The following FHIT variants were observed in gnomAD, a reference collection of about 807,000 sequenced individuals.
FHIT encodes the protein bis(5'-adenosyl)-triphosphatase.
A neutral mutation model predicts 17.9 loss-of-function variants in FHIT; 19 were observed. The ratio of observed to expected loss-of-function variants is 1.06; its 90% CI spans 0.74 to 1.56. The LOEUF is 1.56. Ranked by LOEUF, FHIT falls within the 40% of genes most tolerant of loss-of-function variation. FHIT has a pLI of 0.00. For missense variants in FHIT, 248 were observed against 189.2 expected (o/e 1.31, Z -1.82); for synonymous variants, 81 against 69.7 (o/e 1.16, Z -0.81).
At chr3:59,770,636 A>G (rs1450737054) in intron 8 of FHIT, among the ~76,000 whole-genome samples, 1 of 152,162 alleles carries the variant, frequency 6.6e-6, no homozygotes, top group African/African-American at 2.4e-5. Flanking sequence ...CAGAACTGTA[A>G]AACGACAAAT....
intron 5 of FHIT, among the ~76,000 whole-genome samples, chr3:60,027,418 G>A (rs1700797080): frequency 6.6e-6 from 1 of 152,014 alleles, no homozygotes; most frequent in South Asian, 2.1e-4. Context: ...ACAACCAACA[G>A]TCTTCTGTCA....
intron 5 of FHIT, among the ~76,000 whole-genome samples, chr3:60,023,688 G>T (rs1700633605): frequency 6.6e-6 from 1 of 152,166 alleles, no homozygotes; most frequent in South Asian, 2.1e-4. Context: ...GGAGATTAAA[G>T]GTAGGGGTGG....
intron 8 of FHIT, among the ~76,000 whole-genome samples, chr3:59,828,871 G>GTGTA (rs1701068565): frequency 1.3e-5 from 2 of 151,636 alleles, no homozygotes; most frequent in Non-Finnish European, 1.5e-5. Flanking sequence ...GTGTGTGTGT[G>GTGTA]TGTATCCTAC....
intron 5 of FHIT, among the ~76,000 whole-genome samples, chr3:60,040,708 A>G (rs1701403745): frequency 6.6e-6 from 1 of 152,180 alleles, no homozygotes; most frequent in African/African-American, 2.4e-5. Flanking sequence ...GCGAACACAA[A>G]GAAAAGTTGG....
intron 5 of FHIT, among the ~76,000 whole-genome samples, chr3:60,319,454 A>G (rs576800038): frequency 6.6e-6 from 1 of 152,188 alleles, no homozygotes. Context: ...TTAAGGGAAA[A>G]AAAAAAAACA....
At chr3:59,769,590 A>T (rs1701973572) in intron 8 of FHIT, among the ~76,000 whole-genome samples, 1 of 152,248 alleles carries the variant, frequency 6.6e-6, no homozygotes, top group Admixed American at 6.5e-5. Context: ...CTGCCAGGCC[A>T]GATTTTCTGA....
intron 3 of FHIT, among the ~76,000 whole-genome samples, chr3:60,993,312 G>C (rs989410273): frequency 5.9e-5 from 9 of 152,206 alleles, no homozygotes; most frequent in African/African-American, 2.2e-4. Flanking sequence ...ACAGTTACTA[G>C]CGCATCGAAC....
intron 3 of FHIT, among the ~76,000 whole-genome samples, chr3:60,926,006 C>G (rs557513416): frequency 1.3e-5 from 2 of 152,312 alleles, no homozygotes; most frequent in African/African-American, 4.8e-5. Flanking sequence ...GAAAAGCTAA[C>G]TACCCTAAAT....
intron 5 of FHIT, among the ~76,000 whole-genome samples, chr3:60,335,246 T>C (rs1272993404): frequency 1.3e-5 from 2 of 152,158 alleles, no homozygotes; most frequent in Admixed American, 6.5e-5. Flanking sequence ...AAACTTAAAA[T>C]TTAAAATATC....
chr3:60,363,352 G>A (rs779085983), intron 5 of FHIT, among the ~76,000 whole-genome samples: 6 of 152,064 alleles, frequency 3.9e-5, no homozygotes, highest in Non-Finnish European at 5.9e-5. Context: ...TAGCAACACG[G>A]AAAACTGCTT....
At chr3:61,148,120 T>C (rs1039178084) in intron 2 of FHIT, among the ~76,000 whole-genome samples, 23 of 151,770 alleles carry the variant, frequency 1.5e-4, no homozygotes, top group African/African-American at 5.6e-4. Context: ...AGACTATCGA[T>C]GATTTATTTT....
chr3:60,016,891 TACTC>T (rs1700364659), intron 5 of FHIT, among the ~76,000 whole-genome samples: 1 of 152,218 alleles, frequency 6.6e-6, no homozygotes, highest in South Asian at 2.1e-4. Context: ...TACTCTTACT[TACTC>T]AATCTTTCCA....
intron 5 of FHIT, among the ~76,000 whole-genome samples, chr3:60,274,857 A>G (rs1034311543): frequency 2.3e-4 from 35 of 152,182 alleles, no homozygotes; most frequent in African/African-American, 8.0e-4. Context: ...TCATGTCAGC[A>G]AATTTAGCAT....
intron 4 of FHIT, among the ~76,000 whole-genome samples, chr3:60,800,255 A>G (rs1553731852): frequency 6.6e-6 from 1 of 152,212 alleles, no homozygotes; most frequent in Non-Finnish European, 1.5e-5. Context: ...TTCAGCCCCA[A>G]ATAATAGGTC....
chr3:60,332,784 G>A (rs911129217), intron 5 of FHIT, among the ~76,000 whole-genome samples: 6 of 152,028 alleles, frequency 3.9e-5, no homozygotes, highest in African/African-American at 1.4e-4. Context: ...TCACAACCAA[G>A]AATTTGTTCT....
chr3:59,888,350 G>C (rs1439659845), intron 8 of FHIT, among the ~76,000 whole-genome samples: 2 of 152,154 alleles, frequency 1.3e-5, no homozygotes, highest in South Asian at 2.1e-4. Context: ...AAGGAGAAAA[G>C]TGTATCTACA....
chr3:60,666,172 C>T (rs982967753), intron 4 of FHIT, among the ~76,000 whole-genome samples: 2 of 152,158 alleles, frequency 1.3e-5, no homozygotes, highest in Admixed American at 1.3e-4. Context: ...TATGTACCCA[C>T]AAATGTCTTT....
intron 4 of FHIT, among the ~76,000 whole-genome samples, chr3:60,737,185 C>G (rs977514683): frequency 6.6e-6 from 1 of 152,192 alleles, no homozygotes; most frequent in Non-Finnish European, 1.5e-5. Context: ...GTATCAATCT[C>G]CCATGAAACA....
intron 5 of FHIT, among the ~76,000 whole-genome samples, chr3:60,308,884 C>T (rs1294494236): frequency 1.3e-5 from 2 of 152,108 alleles, no homozygotes; most frequent in Non-Finnish European, 2.9e-5. Flanking sequence ...TAATCACTAA[C>T]TGTGAGAATA....
Sources: gnomAD v4.1 joint callset for allele counts (sites outside exome capture counted in the v4.1 genomes callset) on GRCh38, gnomAD v4.1.1 for gene constraint, MANE v1.5 for transcripts, NCBI Gene and HGNC (gene_info 2026-07-23, HGNC 2026-07-21) for gene names.